Variants in TOPBP1 observed in about 807,000 individuals in gnomAD.
The protein encoded by TOPBP1 is DNA topoisomerase II binding protein 1.
A neutral mutation model predicts 167.7 loss-of-function variants in TOPBP1; 28 were observed. The ratio of observed to expected loss-of-function variants is 0.17; its 90% CI spans 0.12 to 0.23. The LOEUF (loss-of-function observed/expected upper bound fraction) is 0.23. Among genes scored for constraint, TOPBP1 ranks in the 10% least tolerant of loss-of-function variants. TOPBP1 has a pLI of 1.00. For missense variants in TOPBP1, 1,554 were observed against 1,809.6 expected, an observed-to-expected ratio of 0.86 and a Z score of 2.56; for synonymous variants, 598 against 611.4, an observed-to-expected ratio of 0.98 and a Z score of 0.32.
chr3:133,632,691 G>C (rs1279684003), intron 14 of TOPBP1, among the ~76,000 whole-genome samples: 1 of 152,176 alleles, frequency 6.6e-6, no homozygotes, highest in African/African-American at 2.4e-5. Context: ...ATGCCTCTCA[G>C]ACTCAAGCCT....
chr3:133,645,784 G>T (rs890424271), intron 10 of TOPBP1, among the ~76,000 whole-genome samples: 13 of 152,256 alleles, frequency 8.5e-5, no homozygotes, highest in African/African-American at 3.1e-4. Context: ...TATTTTAGCA[G>T]TAGGATCTCT....
intron 27 of TOPBP1, among the ~76,000 whole-genome samples, chr3:133,603,691 G>A (rs547847627): frequency 6.7e-6 from 1 of 148,900 alleles, no homozygotes; most frequent in African/African-American, 2.4e-5. Context: ...TGAAATAAAT[G>A]GGGTAAAAGC....
intron 16 of TOPBP1, among the ~76,000 whole-genome samples, chr3:133,625,537 A>T (rs973221452): frequency 6.6e-6 from 1 of 152,090 alleles, no homozygotes; most frequent in Admixed American, 6.6e-5. Flanking sequence ...GTTTCAGACC[A>T]GTCGACCAAC....
chr3:133,601,294 C>T lies in TOPBP1; in HGVS notation c.4525G>A (p.Ala1509Thr). ...TTGATTTTATTTTTTTCTGTAGGAG[C>T]TTTCCTCTTTTGTGATAATCCAGTC... ...LGTGLSQKRK[A>T]PTEKNKIKRP... Residue 1509 changes from alanine to threonine, a missense_variant, in exon 28 of 28, where the codon GCT (alanine) becomes ACT (threonine). By Grantham distance (58) the Ala-to-Thr change is moderately conservative (BLOSUM62 0). Coordinates refer to ENST00000260810, the MANE Select transcript of TOPBP1 (RefSeq NM_007027.4). 6.2e-7 allele frequency: 1 copy of T among 1,608,104 alleles called. No homozygotes were observed. Among genetic ancestry groups the T allele is most frequent in the Non-Finnish European group, 8.5e-7 (1 of 1,178,070 alleles).
At chr3:133,619,133 CAA>C (rs748052520) in intron 20 of TOPBP1, among the ~76,000 whole-genome samples, 46 of 115,708 alleles carry the variant, frequency 4.0e-4, no homozygotes, top group Admixed American at 8.4e-4. Flanking sequence ...AAACAAAAAA[CAA>C]AAAACAAAAC....
intron 14 of TOPBP1, among the ~76,000 whole-genome samples, chr3:133,632,084 C>G (rs530078997): frequency 6.6e-6 from 1 of 152,086 alleles, no homozygotes; most frequent in Non-Finnish European, 1.5e-5. Flanking sequence ...TCCTGTACAG[C>G]CTGTGGAACT....
chr3:133,614,267 T>C (rs1934785624), intron 23 of TOPBP1, among the ~76,000 whole-genome samples: 1 of 152,204 alleles, frequency 6.6e-6, no homozygotes, highest in Non-Finnish European at 1.5e-5. Context: ...GTTACTATTA[T>C]TATCTGCATT....
At chr3:133,603,435 A>T (rs9838140) in intron 27 of TOPBP1, among the ~76,000 whole-genome samples, 44,143 of 152,036 alleles carry the variant, frequency 0.29, 6,736 homozygotes, top group Middle Eastern at 0.34. Flanking sequence ...CTCCAAAGAA[A>T]AAAAAAGCAA....
chr3:133,645,866 G>A (rs1397241712), intron 10 of TOPBP1, among the ~76,000 whole-genome samples: 3 of 152,050 alleles, frequency 2.0e-5, no homozygotes, highest in Non-Finnish European at 4.4e-5. Flanking sequence ...AGCTCCCCTA[G>A]GGCCGGGCGC....
intron 3 of TOPBP1, 26 bp from the exon 4 acceptor site, chr3:133,657,967 G>C: frequency 6.7e-7 from 1 of 1,502,340 alleles, no homozygotes. Flanking sequence ...AAGTTTAAAT[G>C]AGTTAAGAAG....
At chr3:133,660,685 A>C (rs1328003162) in intron 2 of TOPBP1, among the ~76,000 whole-genome samples, 1 of 152,182 alleles carries the variant, frequency 6.6e-6, no homozygotes, top group African/African-American at 2.4e-5. Context: ...ATAAAACATA[A>C]TTTTTAACAA....
intron 23 of TOPBP1, 97 bp downstream of exon 23, chr3:133,616,717 C>T: frequency 1.5e-6 from 1 of 683,444 alleles, no homozygotes; most frequent in Non-Finnish European, 2.3e-6. Flanking sequence ...TTTTCCTCTA[C>T]TTCTAGACTT....
chr3:133,623,402 G>T lies in TOPBP1; in HGVS notation c.2984C>A (p.Pro995His), dbSNP rs1291521630. 1 of 1,612,854 alleles carries T rather than the reference G, an allele frequency of 6.2e-7. No individual in the cohort carries two copies. The highest frequency in any genetic ancestry group is 8.5e-7 in the Non-Finnish European group (1 of 1,179,432). The change falls in exon 18 of 28, where the codon CCC becomes CAC. Residue 995 changes from proline to histidine, a missense_variant. Transcript: ENST00000260810. ...TGCGCTGATATCCAAGCTCATTTTG[G>T]GATTATAAGTATGTGGATAAAGAGA... Reference protein sequence around the residue: ...PESLYPHTYNPKMSLDISAVQ... With the variant: ...PESLYPHTYNHKMSLDISAVQ...
chr3:133,611,235 T>G, intron 24 of TOPBP1, 94 bp from the exon 25 acceptor site: 1 of 1,123,172 alleles, frequency 8.9e-7, no homozygotes, highest in Non-Finnish European at 1.2e-6. Context: ...GTCTAATAAC[T>G]GTTAAAGCTA....
intron 13 of TOPBP1, among the ~76,000 whole-genome samples, chr3:133,639,220 A>C (rs982922486): frequency 6.6e-6 from 1 of 152,234 alleles, no homozygotes; most frequent in Non-Finnish European, 1.5e-5. Flanking sequence ...CCAAATGTCT[A>C]TCAATGATAG....
rs1935954052 is a variant in TOPBP1 at position 133,643,226 on chromosome 3, T to A, written c.1995A>T (p.Thr665=). 1 of 1,601,502 alleles carries A rather than the reference T, an allele frequency of 6.2e-7. No homozygotes were observed. Among genetic ancestry groups the A allele is most frequent in the Non-Finnish European group, 8.5e-7 (1 of 1,176,092 alleles). ...QCAGAEKESL[T]FLANLLGASV... is the part of the protein sequence containing the mutation. ...TTGCTCCAAGGAGGTTTGCTAGGAA[T>A]GTTAAAGACTCTTTTTCTGCTCCAG... Residue 665 remains threonine, a synonymous_variant, in exon 12 of 28, where the codon ACA becomes ACT. Transcript: ENST00000260810.
chr3:133,652,704 T>C, intron 7 of TOPBP1, 75 bp from the exon 8 acceptor site: 1 of 1,281,582 alleles, frequency 7.8e-7, no homozygotes, highest in East Asian at 2.4e-5. Flanking sequence ...GGATTAACTT[T>C]TCTTACAAAT....
At chr3:133,616,122 C>CTTTTCTTT (rs750066310) in intron 23 of TOPBP1, among the ~76,000 whole-genome samples, 3 of 141,278 alleles carry the variant, frequency 2.1e-5, no homozygotes, top group Non-Finnish European at 1.5e-5. Flanking sequence ...TTTCTTTTCC[C>CTTTTCTTT]TTTTTTTTTT....
intron 13 of TOPBP1, among the ~76,000 whole-genome samples, chr3:133,639,572 A>G (rs1205544727): frequency 6.6e-6 from 1 of 152,202 alleles, no homozygotes; most frequent in Non-Finnish European, 1.5e-5. Context: ...TATTGTGCAC[A>G]TGTACCCCAG....
Sources: allele counts gnomAD v4.1 joint callset (sites outside exome capture counted in the v4.1 genomes callset), GRCh38; gene constraint gnomAD v4.1.1; transcripts MANE v1.5; gene names NCBI Gene and HGNC (gene_info 2026-07-23, HGNC 2026-07-21).